Variants in ADCK2 observed in about 807,000 individuals in gnomAD.
ADCK2 encodes aarF domain containing kinase 2.
A neutral mutation model predicts 52.3 loss-of-function variants in ADCK2; 37 were observed. The observed-to-expected ratio is 0.71, with a 90% CI of 0.54 to 0.93. ADCK2 has a LOEUF of 0.93. ADCK2 is among the 40% of genes least tolerant of loss of function. The pLI is 0.00. For synonymous variants in ADCK2, 321 were observed against 349.2 expected, an observed-to-expected ratio of 0.92 and a Z score of 0.90; for missense variants, 695 against 798.7, an observed-to-expected ratio of 0.87 and a Z score of 1.56.
rs1794370199 is a variant in ADCK2, at chr7:140,674,852, T to C, written c.1080+95T>C. The C allele has an allele frequency of 2.8e-6, 4 of 1,422,204 alleles. No homozygotes were observed. Among genetic ancestry groups the C allele is most frequent in the East Asian group, 2.5e-5 (1 of 40,642 alleles). 88.1% of individuals were successfully genotyped at this position (1,422,204 alleles called of 1,614,324 possible). On this transcript the variant is annotated intron_variant, in intron 2 of 7. Coordinates refer to ENST00000072869, the MANE Select transcript of ADCK2 (RefSeq NM_052853.4). The surrounding 1 kb of genome is among the most constrained non-coding windows in gnomAD (Gnocchi z 4.6). Reference sequence around the variant, plus strand: ...ATGTTGAATGAATAATTTTCTGGTATGTCATAACTCATGTGATGTGTTAGA... The same window carrying C: ...ATGTTGAATGAATAATTTTCTGGTACGTCATAACTCATGTGATGTGTTAGA...
In ADCK2 at chr7:140,673,466, A is replaced by G. The variant is rs1801668379; in HGVS notation, c.136A>G (p.Thr46Ala). 6.2e-7 allele frequency: 1 copy of G among 1,608,480 alleles called. No individual in the cohort carries two copies. Among genetic ancestry groups the G allele is most frequent in the Admixed American group, 1.7e-5 (1 of 59,632 alleles). Reference protein sequence around the residue: ...DARLCWLLLGTLPKVVSLCGD... With the variant: ...DARLCWLLLGALPKVVSLCGD... ...CAGGCTCTGCTGGCTTCTGCTGGGCACTTTGCCCAAGGTCGTCTCCCTGTG... is the reference window on the plus strand; with the variant it reads ...CAGGCTCTGCTGGCTTCTGCTGGGCGCTTTGCCCAAGGTCGTCTCCCTGTG... The change falls in exon 1 of 8, where the codon ACT (threonine) becomes GCT (alanine). Residue 46 changes from threonine to alanine, a missense_variant. Coordinates refer to ENST00000072869, the MANE Select transcript of ADCK2 (RefSeq NM_052853.4). The surrounding 1 kb of genome is among the most constrained non-coding windows in gnomAD (Gnocchi z 6.4).
At chr7:140,691,562 T>C (rs1563211417) in intron 7 of ADCK2, among the ~76,000 whole-genome samples, 1 of 152,154 alleles carries the variant, frequency 6.6e-6, no homozygotes. Flanking sequence ...CTGGCTGCTG[T>C]AGTCCATTAG....
chr7:140,679,340 G>A (rs548162777), intron 3 of ADCK2, 57 bp downstream of exon 3: 26 of 1,599,762 alleles, frequency 1.6e-5, no homozygotes, highest in Middle Eastern at 1.7e-4. Flanking sequence ...CAGTGGGCCC[G>A]TCTCCAGCCC....
At chr7:140,688,545 G>C (rs1055174989) in intron 5 of ADCK2, among the ~76,000 whole-genome samples, 1 of 152,252 alleles carries the variant, frequency 6.6e-6, no homozygotes, top group African/African-American at 2.4e-5. Flanking sequence ...ACTGTGGGAA[G>C]AAACAAGTGC....
intron 7 of ADCK2, among the ~76,000 whole-genome samples, chr7:140,692,634 CAGGCG>C (rs1462548321): frequency 6.6e-6 from 1 of 152,266 alleles, no homozygotes; most frequent in East Asian, 1.9e-4. Context: ...GCTGCGATGA[CAGGCG>C]TGAGCCACCG....
intron 5 of ADCK2, among the ~76,000 whole-genome samples, chr7:140,687,836 C>T (rs1267452773): frequency 6.6e-6 from 1 of 151,328 alleles, no homozygotes; most frequent in Non-Finnish European, 1.5e-5. Flanking sequence ...TAGGATTGCA[C>T]TGCTCTACTG....
At chr7:140,676,077 A>T (rs1157696681) in intron 2 of ADCK2, among the ~76,000 whole-genome samples, 11 of 152,226 alleles carry the variant, frequency 7.2e-5, no homozygotes, top group Admixed American at 7.2e-4. Flanking sequence ...CCCATAAACT[A>T]AGTAGCTTAC....
At chr7:140,688,104 G>T (rs1331748577) in intron 5 of ADCK2, among the ~76,000 whole-genome samples, 2 of 151,318 alleles carry the variant, frequency 1.3e-5, no homozygotes, top group East Asian at 3.9e-4. Context: ...GAGTGCCTTG[G>T]CGTGATCTCA....
At chr7:140,681,219 G>A (rs1452603983) in intron 4 of ADCK2, 82 bp downstream of exon 4, 1 of 1,351,612 alleles carries the variant, frequency 7.4e-7, no homozygotes, top group Non-Finnish European at 1.1e-6. Context: ...CTGGCTATCT[G>A]GGTGGGAAGG....
At chr7:140,691,398 C>T (rs1794700264) in intron 7 of ADCK2, among the ~76,000 whole-genome samples, 1 of 152,202 alleles carries the variant, frequency 6.6e-6, no homozygotes, top group African/African-American at 2.4e-5. Context: ...GTCTTTCCCT[C>T]CTTGGTTCAC....
At position 140,673,280 on chromosome 7, in the gene ADCK2, G is replaced by C. The variant is rs1269780757; in HGVS notation, c.-51G>C. On this transcript the variant is annotated 5_prime_UTR_variant, in exon 1 of 8. Coordinates refer to ENST00000072869, the MANE Select transcript of ADCK2 (RefSeq NM_052853.4). This position sits in a 1 kb window ranked among gnomAD's most constrained non-coding sequence, Gnocchi z 6.4. ...GGCTTCACCGCAGCCTCGCCTGAGC[G>C]GGCGCCTCTGAAGTGGAGGGCGGGC... 1.4e-6 allele frequency: 2 copies of C among 1,384,784 alleles called. No individual in the cohort carries two copies. The highest frequency in any genetic ancestry group is 1.9e-6 in the Non-Finnish European group (2 of 1,065,638). 85.8% of individuals were successfully genotyped at this position (1,384,784 alleles called of 1,614,324 possible).
Position 140,694,822 on chromosome 7 carries a change from G to T in ADCK2, c.*19G>T. The T allele has an allele frequency of 6.2e-7, 1 of 1,605,426 alleles. No individual in the cohort carries two copies. On this transcript the variant is annotated 3_prime_UTR_variant, in exon 8 of 8. Coordinates refer to ENST00000072869, the MANE Select transcript of ADCK2 (RefSeq NM_052853.4). Reference sequence around the variant, plus strand: ...CCCGTGATGGGGCAGTGGCCTCTGTGGGCCCTTGTCAAGAGCTGGAGGCCA... The same window carrying T: ...CCCGTGATGGGGCAGTGGCCTCTGTTGGCCCTTGTCAAGAGCTGGAGGCCA...
At chr7:140,676,967 G>A (rs1279455853) in intron 2 of ADCK2, among the ~76,000 whole-genome samples, 2 of 152,030 alleles carry the variant, frequency 1.3e-5, no homozygotes, top group Non-Finnish European at 2.9e-5. Flanking sequence ...AGTTTACAGT[G>A]AACCATGATC....
chr7:140,692,283 A>G (rs187387680), intron 7 of ADCK2, among the ~76,000 whole-genome samples: 1 of 152,304 alleles, frequency 6.6e-6, no homozygotes, highest in East Asian at 1.9e-4. Flanking sequence ...GTGGAATTAT[A>G]AAGTATACTG....
Position 140,693,732 on chromosome 7 carries a change from T to A in ADCK2, c.1741-931T>A, listed in dbSNP as rs918923203. Reference sequence around the variant, plus strand: ...TCTGATTTTTTTTATTTTTTTGAGATGGAGTTTCACTCTGTTGCCCAGGCT... The same window carrying A: ...TCTGATTTTTTTTATTTTTTTGAGAAGGAGTTTCACTCTGTTGCCCAGGCT... On this transcript the variant is annotated intron_variant, in intron 7 of 7. Coordinates refer to ENST00000072869, the MANE Select transcript of ADCK2 (RefSeq NM_052853.4). The surrounding 1 kb of genome is among the most constrained non-coding windows in gnomAD (Gnocchi z 4.0). Among the ~76,000 whole-genome samples the A allele has an allele frequency of 2.0e-5, 3 of 152,134 alleles. No homozygotes were observed. Among genetic ancestry groups the A allele is most frequent in the African/African-American group, 7.2e-5 (3 of 41,430 alleles).
intron 4 of ADCK2, among the ~76,000 whole-genome samples, chr7:140,681,775 C>A (rs1170117277): frequency 6.6e-6 from 1 of 152,102 alleles, no homozygotes; most frequent in Non-Finnish European, 1.5e-5. Flanking sequence ...CAAACATGAG[C>A]CACCAAGCCT....
intron 3 of ADCK2, 117 bp from the exon 4 acceptor site, chr7:140,680,925 A>G: frequency 2.4e-6 from 2 of 846,044 alleles, no homozygotes; most frequent in Non-Finnish European, 3.9e-6. Context: ...GAAAGGAAAT[A>G]CTCTTTGGGT....
chr7:140,694,275 C>A (rs1011055697), intron 7 of ADCK2, among the ~76,000 whole-genome samples: 2 of 152,120 alleles, frequency 1.3e-5, no homozygotes, highest in African/African-American at 2.4e-5. Flanking sequence ...CAGAGTGAGA[C>A]CCTGTCTCTA....
chr7:140,682,140 CACAATT>C (rs1254182770), intron 4 of ADCK2, among the ~76,000 whole-genome samples: 1 of 152,236 alleles, frequency 6.6e-6, no homozygotes, highest in African/African-American at 2.4e-5. Context: ...GCAAAACAGA[CACAATT>C]ACAATGCTCG....
Sources: gnomAD v4.1 joint callset for allele counts (sites outside exome capture counted in the v4.1 genomes callset) on GRCh38, gnomAD v4.1.1 for gene constraint, Gnocchi (gnomAD v3.1) non-coding constraint, MANE v1.5 for transcripts, NCBI Gene and HGNC (gene_info 2026-07-23, HGNC 2026-07-21) for gene names.